ARPP21: variants seen among roughly 807,000 people sequenced by gnomAD.
The protein encoded by ARPP21 is cAMP-regulated phosphoprotein 21.
In ARPP21, 69 loss-of-function variants were observed where a neutral mutation model predicts 113.2. The ratio of observed to expected loss-of-function variants is 0.61; its 90% CI spans 0.50 to 0.74. The LOEUF (loss-of-function observed/expected upper bound fraction) is 0.74, where lower values mean the gene tolerates loss of function less well. Among genes scored for constraint, ARPP21 ranks in the 30% least tolerant of loss-of-function variants. The pLI, the probability that ARPP21 is intolerant of heterozygous loss-of-function variation, is 0.00. For missense variants in ARPP21, 1,070 were observed against 1,037.4 expected, an observed-to-expected ratio of 1.03 and a Z score of -0.43; for synonymous variants, 368 against 375.5, an observed-to-expected ratio of 0.98 and a Z score of 0.23.
intron 9 of ARPP21, among the ~76,000 whole-genome samples, chr3:35,700,476 T>C (rs1473977023): frequency 6.6e-6 from 1 of 151,682 alleles, no homozygotes. Context: ...TCATTTAATG[T>C]TCTTATAGCA....
intron 9 of ARPP21, among the ~76,000 whole-genome samples, chr3:35,699,468 T>C (rs2085420627): frequency 6.6e-6 from 1 of 151,700 alleles, no homozygotes. Flanking sequence ...GTTTTAATGT[T>C]CAGTACAACT....
intron 19 of ARPP21, among the ~76,000 whole-genome samples, chr3:35,782,854 C>A (rs1242781572): frequency 6.6e-6 from 1 of 152,134 alleles, no homozygotes; most frequent in Non-Finnish European, 1.5e-5. Context: ...CCTTTCTCTG[C>A]CCAGCATGGT....
At chr3:35,782,150 C>CA (rs1372631138) in intron 19 of ARPP21, among the ~76,000 whole-genome samples, 1 of 152,004 alleles carries the variant, frequency 6.6e-6, no homozygotes. Flanking sequence ...CATGGTATGG[C>CA]AAAAAAATAT....
intron 19 of ARPP21, among the ~76,000 whole-genome samples, chr3:35,772,973 T>C (rs953580328): frequency 3.3e-5 from 5 of 152,188 alleles, no homozygotes; most frequent in African/African-American, 1.2e-4. Context: ...GCCATTTTAC[T>C]TTTTATCAAA....
intron 19 of ARPP21, among the ~76,000 whole-genome samples, chr3:35,756,525 A>G (rs1193957186): frequency 6.1e-5 from 2 of 32,874 alleles, no homozygotes; most frequent in Non-Finnish European, 1.1e-4. Flanking sequence ...TTGTCAGCCA[A>G]TCCTTCCTGG....
chr3:35,646,580 T>A lies in ARPP21; in HGVS notation c.-213+6182T>A, dbSNP rs568401664. 3.9e-5 allele frequency among the ~76,000 whole-genome samples: 6 copies of A among 152,254 alleles called. No homozygotes were observed. The South Asian group carries it at 6.2e-4, about 16-fold the overall frequency. On this transcript the variant is annotated intron_variant, in intron 1 of 20. Coordinates refer to ENST00000684406, the MANE Select transcript of ARPP21 (RefSeq NM_001385562.1). ...GCTTTTGGTTAAAAATATGGAACTTTATTTTCTTTGTTTAAAGAAAGAAGA... is the reference window on the plus strand; with the variant it reads ...GCTTTTGGTTAAAAATATGGAACTTAATTTTCTTTGTTTAAAGAAAGAAGA...
chr3:35,745,030 CTATTT>C (rs1367714949), intron 19 of ARPP21, among the ~76,000 whole-genome samples: 1 of 152,086 alleles, frequency 6.6e-6, no homozygotes, highest in African/African-American at 2.4e-5. Context: ...ATCTCATGGC[CTATTT>C]AAAGTCTGTG....
At chr3:35,788,894 A>G (rs1277181885) in intron 19 of ARPP21, among the ~76,000 whole-genome samples, 1 of 152,142 alleles carries the variant, frequency 6.6e-6, no homozygotes, top group African/African-American at 2.4e-5. Flanking sequence ...AATCTTATAA[A>G]CTCCTCGATC....
chr3:35,793,857 A>T lies in ARPP21; in HGVS notation c.2443A>T (p.Ile815Phe). Residue 815 changes from isoleucine to phenylalanine, a missense_variant, in exon 21 of 21, where the codon ATT (isoleucine) becomes TTT (phenylalanine). By Grantham distance (21) the Ile-to-Phe change is conservative (BLOSUM62 0). Transcript: ENST00000684406. The part of the protein sequence containing the change: ...PPTPQNNLRL[I>F]GPHCPSSTVP... The stretch of plus-strand genomic sequence containing the variant: ...CACCCCTCAGAACAACCTTAGGCTG[A>T]TTGGCCCACACTGCCCCTCCAGCAC... 6.2e-7 allele frequency: 1 copy of T among 1,614,180 alleles called. No individual in the cohort carries two copies.
chr3:35,645,775 AGAAGT>A (rs980780647), intron 1 of ARPP21, among the ~76,000 whole-genome samples: 1 of 151,988 alleles, frequency 6.6e-6, no homozygotes, highest in African/African-American at 2.4e-5. Context: ...CAGAAACAAG[AGAAGT>A]GGTTTTCATA....
intron 19 of ARPP21, chr3:35,785,375 A>G (rs1392460185): frequency 6.6e-6 from 1 of 152,190 alleles, no homozygotes; most frequent in Non-Finnish European, 1.5e-5. Context: ...TCAGAGAATT[A>G]CTTCAATAAT....
At chr3:35,676,171 G>C (rs2077434386) in intron 1 of ARPP21, among the ~76,000 whole-genome samples, 1 of 151,880 alleles carries the variant, frequency 6.6e-6, no homozygotes, top group Non-Finnish European at 1.5e-5. Flanking sequence ...TAAAACACTG[G>C]CACAAGGCCT....
At position 35,689,400 on chromosome 3, in the gene ARPP21, G is replaced by T. The variant is rs770458567; in HGVS notation, c.485+15G>T. 1.1e-5 allele frequency: 14 copies of T among 1,225,826 alleles called. No homozygotes were observed. The highest frequency in any genetic ancestry group is 1.7e-5 in the Admixed American group (1 of 58,620). 75.9% of individuals were successfully genotyped at this position (1,225,826 alleles called of 1,614,324 possible). A position where few individuals can be genotyped will look rare whatever the true frequency, so the allele number is the denominator to read the frequency against. ...AATAATTCCAGGTAAATTATTAAAT[G>T]AGCCTCTTATTTTTAGAAGGATCAA... On this transcript the variant is annotated intron_variant, in intron 7 of 20. Coordinates refer to ENST00000684406, the MANE Select transcript of ARPP21 (RefSeq NM_001385562.1).
chr3:35,744,437 T>C, intron 19 of ARPP21: 1 of 520,036 alleles, frequency 1.9e-6, no homozygotes, highest in Non-Finnish European at 3.9e-6. Flanking sequence ...TTCACTTTCA[T>C]GATGGCCACA....
chr3:35,727,958 G>T (rs1446210401), intron 14 of ARPP21, among the ~76,000 whole-genome samples: 1 of 151,970 alleles, frequency 6.6e-6, no homozygotes. Context: ...TCTGCACACT[G>T]TTCCTGTTAC....
chr3:35,661,073 T>C (rs1171896448), intron 1 of ARPP21, among the ~76,000 whole-genome samples: 1 of 152,108 alleles, frequency 6.6e-6, no homozygotes. Flanking sequence ...AGGAGCTGGG[T>C]AAATAATAGT....
In ARPP21 at chr3:35,673,291, C is replaced by T. The variant is rs574769799; in HGVS notation, c.-212-6496C>T. On this transcript the variant is annotated intron_variant, in intron 1 of 20. Coordinates refer to ENST00000684406, the MANE Select transcript of ARPP21 (RefSeq NM_001385562.1). Reference sequence around the variant, plus strand: ...TGGAGTACACCTCCTGTGACCATAGCTTCTGTGATCACAGATTCTATATGC... The same window carrying T: ...TGGAGTACACCTCCTGTGACCATAGTTTCTGTGATCACAGATTCTATATGC... Among the ~76,000 whole-genome samples the T allele has an allele frequency of 6.6e-5, 10 of 152,126 alleles. No homozygotes were observed. In the South Asian group the frequency reaches 1.7e-3, roughly 25 times the overall value.
At chr3:35,644,780 A>C (rs1275136904) in intron 1 of ARPP21, among the ~76,000 whole-genome samples, 3 of 151,938 alleles carry the variant, frequency 2.0e-5, no homozygotes, top group Non-Finnish European at 4.4e-5. Context: ...ACCAGTATAG[A>C]TCCTGGAATT....
chr3:35,688,044 T>C (rs528060298), intron 6 of ARPP21, among the ~76,000 whole-genome samples, 161 bp downstream of exon 6: 31 of 151,746 alleles, frequency 2.0e-4, no homozygotes, highest in East Asian at 1.4e-3. Context: ...AACTTGATTT[T>C]CTTTCTGTTT....
Sources: allele counts gnomAD v4.1 joint callset (sites outside exome capture counted in the v4.1 genomes callset), GRCh38; gene constraint gnomAD v4.1.1; transcripts MANE v1.5; gene names NCBI Gene and HGNC (gene_info 2026-07-23, HGNC 2026-07-21).